SRPK2: variants seen among roughly 807,000 people sequenced by gnomAD.
The protein encoded by SRPK2 is SFRS protein kinase 2.
In SRPK2, 21 loss-of-function variants were observed where a neutral mutation model predicts 90.8. That is an observed-to-expected ratio of 0.23 (90% CI 0.16 to 0.33). SRPK2 has a LOEUF of 0.33. Among genes scored for constraint, SRPK2 ranks in the 10% least tolerant of loss-of-function variants. SRPK2 has a pLI of 1.00. For synonymous variants in SRPK2, 288 were observed against 311.1 expected (o/e 0.93, Z 0.78); for missense variants, 620 against 869.0 (o/e 0.71, Z 3.60).
chr7:105,227,336 C>CT (rs1563110777), intron 2 of SRPK2, among the ~76,000 whole-genome samples: 1 of 152,108 alleles, frequency 6.6e-6, no homozygotes, highest in Non-Finnish European at 1.5e-5. Context: ...CCCTTGCCCC[C>CT]TTTCCACTCT....
intron 2 of SRPK2, among the ~76,000 whole-genome samples, chr7:105,335,588 T>C (rs1173237839): frequency 6.9e-6 from 1 of 143,942 alleles, no homozygotes. Flanking sequence ...GCCCAGGAGG[T>C]GGAGGTTGCA....
intron 1 of SRPK2, among the ~76,000 whole-genome samples, chr7:105,394,967 G>T (rs1490015924): frequency 6.6e-6 from 1 of 152,004 alleles, no homozygotes; most frequent in East Asian, 1.9e-4. Context: ...TTGGGAGATC[G>T]AGACCTACCA....
At chr7:105,398,255 T>C (rs1368426557) in intron 1 of SRPK2, among the ~76,000 whole-genome samples, 1 of 152,112 alleles carries the variant, frequency 6.6e-6, no homozygotes, top group Non-Finnish European at 1.5e-5. Context: ...GATTATGATA[T>C]CTCCCAGTGG....
chr7:105,145,632 C>G (rs1209419216), intron 8 of SRPK2, among the ~76,000 whole-genome samples: 1 of 152,152 alleles, frequency 6.6e-6, no homozygotes, highest in African/African-American at 2.4e-5. Flanking sequence ...GAATACATAT[C>G]ACAGTCATTA....
Position 105,117,847 on chromosome 7 carries a change from C to T in SRPK2, c.2091G>A (p.Leu697=), listed in dbSNP as rs370358916. 73 of 1,612,376 alleles carry T rather than the reference C, an allele frequency of 4.5e-5. No homozygotes were observed. In the Middle Eastern group the frequency reaches 1.5e-3, roughly 33 times the overall value. The change falls in exon 16 of 16, where the codon TTG becomes TTA. Residue 697 remains leucine (L), a synonymous_variant. Coordinates refer to ENST00000393651, the MANE Select transcript of SRPK2 (RefSeq NM_182692.3). ...SAGECLRHPW[L]NS ...ATATTGGTAGAATTTGCTAAGAATT[C>T]AACCAAGGATGCCGAAGGCATTCGC... is the stretch of plus-strand genomic sequence containing the variant.
intron 2 of SRPK2, among the ~76,000 whole-genome samples, chr7:105,221,283 A>T (rs1798061599): frequency 6.6e-6 from 1 of 152,248 alleles, no homozygotes; most frequent in African/African-American, 2.4e-5. Context: ...TGAAAAGTAC[A>T]GAGTAGTAGT....
intron 13 of SRPK2, among the ~76,000 whole-genome samples, chr7:105,127,425 A>ACCTG (rs1801361931): frequency 6.6e-6 from 1 of 152,182 alleles, no homozygotes; most frequent in Non-Finnish European, 1.5e-5. Context: ...TGACTCCAGC[A>ACCTG]CCTGCCTCAA....
intron 3 of SRPK2, among the ~76,000 whole-genome samples, chr7:105,200,100 A>G (rs1398599419): frequency 6.6e-6 from 1 of 152,070 alleles, no homozygotes; most frequent in Non-Finnish European, 1.5e-5. Context: ...TCAGGAGTTC[A>G]AGACCAGCCT....
At chr7:105,265,152 G>T (rs774306901) in intron 2 of SRPK2, among the ~76,000 whole-genome samples, 8 of 151,906 alleles carry the variant, frequency 5.3e-5, no homozygotes, top group Non-Finnish European at 1.0e-4. Context: ...AAAGCACTCA[G>T]AACTGGTATC....
chr7:105,319,508 G>A (rs1406312602), intron 2 of SRPK2, among the ~76,000 whole-genome samples: 4 of 118,768 alleles, frequency 3.4e-5, no homozygotes, highest in African/African-American at 1.2e-4. Context: ...TTGCGGCGGG[G>A]GGGGGGGGGG....
intron 2 of SRPK2, among the ~76,000 whole-genome samples, chr7:105,358,283 A>C (rs549431042): frequency 2.0e-5 from 3 of 151,946 alleles, no homozygotes; most frequent in Non-Finnish European, 2.9e-5. Flanking sequence ...AAAAACCAGA[A>C]GCCTTATCAA....
At chr7:105,367,287 G>C (rs1459243581) in intron 2 of SRPK2, among the ~76,000 whole-genome samples, 1 of 151,846 alleles carries the variant, frequency 6.6e-6, no homozygotes, top group Non-Finnish European at 1.5e-5. Flanking sequence ...TTTTGAGACA[G>C]GTTCCGGCTC....
intron 3 of SRPK2, among the ~76,000 whole-genome samples, chr7:105,171,995 G>C (rs1308721004): frequency 6.6e-6 from 1 of 152,130 alleles, no homozygotes; most frequent in Non-Finnish European, 1.5e-5. Flanking sequence ...CTGGGTTCAA[G>C]CCATTCTCCT....
chr7:105,242,571 C>A (rs1477354383), intron 2 of SRPK2, among the ~76,000 whole-genome samples: 2 of 152,036 alleles, frequency 1.3e-5, no homozygotes, highest in Non-Finnish European at 2.9e-5. Flanking sequence ...AGATAAAACT[C>A]GACAGTAAGT....
At chr7:105,246,615 G>T (rs1475083793) in intron 2 of SRPK2, among the ~76,000 whole-genome samples, 1 of 152,136 alleles carries the variant, frequency 6.6e-6, no homozygotes, top group Non-Finnish European at 1.5e-5. Flanking sequence ...ACTGAGGAAG[G>T]GCCAACATTT....
intron 15 of SRPK2, among the ~76,000 whole-genome samples, chr7:105,120,241 G>A (rs1489815873): frequency 1.3e-5 from 2 of 152,172 alleles, no homozygotes; most frequent in Non-Finnish European, 2.9e-5. Flanking sequence ...ATACTCTCCA[G>A]GTTTGCAAAT....
rs1302028555 is a variant in SRPK2, at chr7:105,172,319, T to C, written c.230-3054A>G. 2.0e-5 allele frequency among the ~76,000 whole-genome samples: 3 copies of C among 152,272 alleles called. No homozygotes were observed. The East Asian group carries it at 5.8e-4, about 29-fold the overall frequency. On this transcript the variant is annotated intron_variant, in intron 3 of 15. Transcript: ENST00000393651. ...AAAACTATGTTCCATGAAACAAAAA[T>C]AAACTATAATATACTGCAGGTGTTC...
chr7:105,168,113 A>T lies in SRPK2; in HGVS notation c.339-18T>A, dbSNP rs373176659. On this transcript the variant is annotated intron_variant, in intron 4 of 15. Coordinates refer to ENST00000393651, the MANE Select transcript of SRPK2 (RefSeq NM_182692.3). ...TTTTCCCCCTAAAAGAAAAAACAAA[A>T]AAAGAGTCTATTTATCTATATTATC... The T allele has an allele frequency of 2.5e-6, 4 of 1,575,436 alleles. No individual in the cohort carries two copies. The highest frequency in any genetic ancestry group is 3.5e-6 in the Non-Finnish European group (4 of 1,151,398).
At chr7:105,139,057 C>T (rs1453544050) in intron 11 of SRPK2, among the ~76,000 whole-genome samples, 1 of 152,168 alleles carries the variant, frequency 6.6e-6, no homozygotes, top group Non-Finnish European at 1.5e-5. Flanking sequence ...TACACAGATG[C>T]TCTAATAATT....
Sources: gnomAD v4.1 joint callset for allele counts (sites outside exome capture counted in the v4.1 genomes callset) on GRCh38, gnomAD v4.1.1 for gene constraint, MANE v1.5 for transcripts, NCBI Gene and HGNC (gene_info 2026-07-23, HGNC 2026-07-21) for gene names.